The following PARD3B variants were observed in gnomAD, a reference collection of about 807,000 sequenced individuals.
The protein encoded by PARD3B is partitioning defective 3 homolog B.
Under a neutral mutation model 130.2 loss-of-function variants are expected in PARD3B, and 103 were observed. That is an observed-to-expected ratio of 0.79 (90% CI 0.67 to 0.93). The LOEUF is 0.93. PARD3B is among the 40% of genes least tolerant of loss of function. The probability of loss-of-function intolerance (pLI) is 0.00; values close to 1 mark genes in which losing one functional copy is unlikely to be tolerated. For missense variants in PARD3B, 1,609 were observed against 1,499.2 expected, an observed-to-expected ratio of 1.07 and a Z score of -1.21; for synonymous variants, 583 against 553.2, an observed-to-expected ratio of 1.05 and a Z score of -0.76.
chr2:204,658,572 T>A (rs577234208), intron 1 of PARD3B, among the ~76,000 whole-genome samples: 1 of 152,278 alleles, frequency 6.6e-6, no homozygotes, highest in South Asian at 2.1e-4. Context: ...AGCTGAGGAA[T>A]GACCGAAGGC....
intron 2 of PARD3B, among the ~76,000 whole-genome samples, chr2:204,875,902 C>T (rs1020635879): frequency 5.9e-5 from 9 of 152,140 alleles, no homozygotes; most frequent in African/African-American, 9.7e-5. Flanking sequence ...GTGAATCTTT[C>T]GGGTTCTCAC....
intron 2 of PARD3B, among the ~76,000 whole-genome samples, chr2:204,688,692 A>G (rs1264405549): frequency 6.6e-6 from 1 of 152,124 alleles, no homozygotes; most frequent in Non-Finnish European, 1.5e-5. Context: ...AGGCCCTGCC[A>G]AATTTCATTT....
intron 21 of PARD3B, among the ~76,000 whole-genome samples, chr2:205,535,505 C>T (rs780358977): frequency 7.9e-5 from 12 of 152,160 alleles, no homozygotes; most frequent in Non-Finnish European, 1.8e-4. Flanking sequence ...TATTCTAGTT[C>T]AAACTCCACA....
At chr2:205,195,906 T>C (rs1352449851) in intron 15 of PARD3B, among the ~76,000 whole-genome samples, 2 of 152,180 alleles carry the variant, frequency 1.3e-5, no homozygotes, top group Non-Finnish European at 2.9e-5. Flanking sequence ...TGTAGGAATC[T>C]TCAAAGGCTG....
At chr2:204,928,154 G>A (rs141582966) in intron 2 of PARD3B, among the ~76,000 whole-genome samples, 501 of 152,062 alleles carry the variant, frequency 3.3e-3, no homozygotes, top group Non-Finnish European at 5.5e-3. Flanking sequence ...AAATTGATAG[G>A]CTATTGCCTG....
At chr2:205,209,877 A>G (rs977654130) in intron 15 of PARD3B, among the ~76,000 whole-genome samples, 8 of 152,074 alleles carry the variant, frequency 5.3e-5, no homozygotes, top group African/African-American at 1.9e-4. Flanking sequence ...TAATGATTTA[A>G]TTGTACATTT....
At chr2:204,649,425 TG>T (rs1225970880) in intron 1 of PARD3B, among the ~76,000 whole-genome samples, 1 of 152,096 alleles carries the variant, frequency 6.6e-6, no homozygotes, top group African/African-American at 2.4e-5. Context: ...CTGTTTTGTA[TG>T]CATGAGTTCT....
intron 18 of PARD3B, among the ~76,000 whole-genome samples, chr2:205,312,184 T>G (rs567233265): frequency 2.4e-4 from 36 of 152,306 alleles, no homozygotes; most frequent in African/African-American, 7.5e-4. Flanking sequence ...AGATAGTGAT[T>G]GTAAAATGCC....
At chr2:204,894,055 T>TAA (rs570949073) in intron 2 of PARD3B, among the ~76,000 whole-genome samples, 7 of 144,556 alleles carry the variant, frequency 4.8e-5, no homozygotes, top group African/African-American at 1.3e-4. Context: ...CTATTTTAGT[T>TAA]AAAAAAAAAA....
At chr2:205,322,419 G>A (rs2042781910) in intron 18 of PARD3B, among the ~76,000 whole-genome samples, 1 of 152,134 alleles carries the variant, frequency 6.6e-6, no homozygotes, top group Non-Finnish European at 1.5e-5. Context: ...AGCTGGTGGA[G>A]GGTGTTGGGA....
At chr2:204,987,776 C>T (rs868164) in intron 3 of PARD3B, among the ~76,000 whole-genome samples, 40,004 of 151,898 alleles carry the variant, frequency 0.26, 6,670 homozygotes, top group Non-Finnish European at 0.38. Context: ...ATACAACAAA[C>T]GTGTTAAACA....
chr2:204,893,182 AG>A (rs2046513556), intron 2 of PARD3B, among the ~76,000 whole-genome samples: 1 of 152,196 alleles, frequency 6.6e-6, no homozygotes, highest in African/African-American at 2.4e-5. Flanking sequence ...TATTTCAAGA[AG>A]AAGGGAATGA....
chr2:205,175,823 C>G (rs535594479), intron 12 of PARD3B, among the ~76,000 whole-genome samples: 1 of 152,254 alleles, frequency 6.6e-6, no homozygotes, highest in East Asian at 1.9e-4. Flanking sequence ...GGGTGTTACT[C>G]TGGATACAGC....
chr2:204,710,776 C>CTGTGCTGTTTTA (rs772548110), intron 2 of PARD3B, among the ~76,000 whole-genome samples: 3 of 152,156 alleles, frequency 2.0e-5, no homozygotes, highest in Non-Finnish European at 4.4e-5. Context: ...GTATGGCGTC[C>CTGTGCTGTTTTA]TGTGCTGTTT....
At chr2:204,696,755 G>A (rs1055015584) in intron 2 of PARD3B, among the ~76,000 whole-genome samples, 3 of 151,914 alleles carry the variant, frequency 2.0e-5, no homozygotes, top group Admixed American at 6.6e-5. Flanking sequence ...ACAGAATTGC[G>A]GCAGGATTAC....
chr2:204,880,418 T>C lies in PARD3B; in HGVS notation c.223-84734T>C, dbSNP rs139942803. On this transcript the variant is annotated intron_variant, in intron 2 of 22. Transcript: ENST00000406610. ...GGCTCATGCCTGTAATCCCAGCACTTTGGGAGGCCGAGGTGGGCGGATCAC... is the reference window on the plus strand; with the variant it reads ...GGCTCATGCCTGTAATCCCAGCACTCTGGGAGGCCGAGGTGGGCGGATCAC... Among the ~76,000 whole-genome samples, 792 of 152,000 alleles carry C rather than the reference T, an allele frequency of 5.2e-3. 7 individuals carry two copies. The highest frequency in any genetic ancestry group is 0.041 in the Middle Eastern group (12 of 294).
chr2:205,021,317 A>G lies in PARD3B; in HGVS notation c.395-26264A>G, dbSNP rs1356468150. Among the ~76,000 whole-genome samples, 1 of 152,170 alleles carries G rather than the reference A, an allele frequency of 6.6e-6. No individual in the cohort carries two copies. The highest frequency in any genetic ancestry group is 1.5e-5 in the Non-Finnish European group (1 of 68,036). On this transcript the variant is annotated intron_variant, in intron 3 of 22. Coordinates refer to ENST00000406610, the MANE Select transcript of PARD3B (RefSeq NM_001302769.2). The surrounding 1 kb of genome is among the most constrained non-coding windows in gnomAD (Gnocchi z 4.5). Reference sequence around the variant, plus strand: ...ATAAGTAGCTAGAATGTAAAATAATAATAATTTAGACATTGTTTTGGAATG... The same window carrying G: ...ATAAGTAGCTAGAATGTAAAATAATGATAATTTAGACATTGTTTTGGAATG...
Position 204,610,466 on chromosome 2 carries a change from C to A in PARD3B, c.120+64347C>A, listed in dbSNP as rs2033881512. ...GACCTCCCATGTTAAAGCGATTCTC[C>A]TGCGTCAGCCTCCCGAGTGGCTGGG... On this transcript the variant is annotated intron_variant, in intron 1 of 22. Coordinates refer to ENST00000406610, the MANE Select transcript of PARD3B (RefSeq NM_001302769.2). This position sits in a 1 kb window ranked among gnomAD's most constrained non-coding sequence, Gnocchi z 4.1. Among the ~76,000 whole-genome samples, 1 of 152,170 alleles carries A rather than the reference C, an allele frequency of 6.6e-6. No homozygotes were observed. Among genetic ancestry groups the A allele is most frequent in the Admixed American group, 6.5e-5 (1 of 15,274 alleles).
At chr2:205,580,811 G>T (rs2053936346) in intron 22 of PARD3B, among the ~76,000 whole-genome samples, 1 of 152,110 alleles carries the variant, frequency 6.6e-6, no homozygotes, top group African/African-American at 2.4e-5. Flanking sequence ...GAAGGCACGA[G>T]ACACTAAAAT....
Sources: gnomAD v4.1 joint callset for allele counts (sites outside exome capture counted in the v4.1 genomes callset) on GRCh38, gnomAD v4.1.1 for gene constraint, Gnocchi (gnomAD v3.1) non-coding constraint, MANE v1.5 for transcripts, NCBI Gene and HGNC (gene_info 2026-07-23, HGNC 2026-07-21) for gene names.